The following SGCD variants were observed in gnomAD, a reference collection of about 807,000 sequenced individuals.
SGCD encodes sarcoglycan delta.
In SGCD, 18 loss-of-function variants were observed where a neutral mutation model predicts 36.6. The observed-to-expected ratio is 0.49, with a 90% CI of 0.34 to 0.73. The LOEUF is 0.73. Among genes scored for constraint, SGCD ranks in the 30% least tolerant of loss-of-function variants. The pLI, the probability that SGCD is intolerant of heterozygous loss-of-function variation, is 0.01. For missense variants in SGCD, 387 were observed against 346.7 expected, an observed-to-expected ratio of 1.12 and a Z score of -0.92; for synonymous variants, 133 against 130.6, an observed-to-expected ratio of 1.02 and a Z score of -0.12.
rs778760498 is a variant in SGCD at position 156,344,582 on chromosome 5, C to T, written c.97C>T (p.Arg33Ter). 8 of 1,612,078 alleles carry T rather than the reference C, an allele frequency of 5.0e-6. No homozygotes were observed. Among genetic ancestry groups the T allele is most frequent in the Non-Finnish European group, 6.8e-6 (8 of 1,178,970 alleles). The change falls in exon 3 of 9, where the codon CGA (arginine) becomes TGA (stop). Residue 33 changes from arginine to a stop codon, truncating the protein, a stop_gained. Coordinates refer to ENST00000337851, the MANE Select transcript of SGCD (RefSeq NM_000337.6). LOFTEE classifies it high-confidence loss of function. ...YKVGIYGWRK[R>*]CLYFFVLLLM... ...GGTGGGGATTTATGGCTGGCGGAAACGATGCCTGTATTTCTTTGTCCTGCT... is the reference window on the plus strand; with the variant it reads ...GGTGGGGATTTATGGCTGGCGGAAATGATGCCTGTATTTCTTTGTCCTGCT...
intron 3 of SGCD, among the ~76,000 whole-genome samples, chr5:156,425,284 G>C (rs1773624386): frequency 6.6e-6 from 1 of 152,012 alleles, no homozygotes; most frequent in African/African-American, 2.4e-5. Flanking sequence ...AGAGGAGTCA[G>C]GATGTACCCC....
chr5:156,677,254 T>A (rs1402053792), intron 7 of SGCD, among the ~76,000 whole-genome samples: 2 of 152,094 alleles, frequency 1.3e-5, no homozygotes, highest in East Asian at 3.9e-4. Flanking sequence ...AGCAAAGACT[T>A]AGAACCAACC....
chr5:156,687,788 A>G (rs571059747), intron 7 of SGCD, among the ~76,000 whole-genome samples: 30 of 152,348 alleles, frequency 2.0e-4, no homozygotes, highest in African/African-American at 7.2e-4. Context: ...CCAGGGAACA[A>G]CAGCCTTGCT....
At chr5:156,446,489 G>T (rs1224006736) in intron 3 of SGCD, among the ~76,000 whole-genome samples, 1 of 152,044 alleles carries the variant, frequency 6.6e-6, no homozygotes, top group Admixed American at 6.6e-5. Flanking sequence ...CCAGCTTCAG[G>T]GTTCTAGAGA....
At chr5:156,191,140 A>C (rs75064101) in intron 3 of SGCD, among the ~76,000 whole-genome samples, 4 of 152,084 alleles carry the variant, frequency 2.6e-5, no homozygotes, top group African/African-American at 9.7e-5. Context: ...TACAGAGTAC[A>C]TGATATCCAG....
chr5:155,734,292 A>C, the SGCD span, among the ~76,000 whole-genome samples: 1 of 151,474 alleles, frequency 6.6e-6, no homozygotes, highest in African/African-American at 2.4e-5. Flanking sequence ...TGCAACATCC[A>C]CCTCCTGGGT....
intron 3 of SGCD, among the ~76,000 whole-genome samples, chr5:156,404,540 T>C (rs1772314470): frequency 6.6e-6 from 1 of 152,212 alleles, no homozygotes; most frequent in African/African-American, 2.4e-5. Context: ...GAATATTTTG[T>C]CTTATTTCTT....
intron 6 of SGCD, among the ~76,000 whole-genome samples, chr5:156,624,367 G>A (rs748636121): frequency 3.9e-5 from 6 of 152,160 alleles, no homozygotes; most frequent in Non-Finnish European, 7.3e-5. Context: ...GGATCACGAG[G>A]TCAGGAGATT....
chr5:156,114,309 A>G (rs944299930), intron 1 of SGCD, among the ~76,000 whole-genome samples: 2 of 152,014 alleles, frequency 1.3e-5, no homozygotes, highest in African/African-American at 2.4e-5. Context: ...CGAACCTAAA[A>G]CTGCTATAAT....
At chr5:156,434,555 C>T (rs1001768412) in intron 3 of SGCD, among the ~76,000 whole-genome samples, 2 of 152,142 alleles carry the variant, frequency 1.3e-5, no homozygotes, top group African/African-American at 2.4e-5. Flanking sequence ...ACCCGGCCAG[C>T]GATGCTGATA....
intron 3 of SGCD, among the ~76,000 whole-genome samples, chr5:156,203,958 A>G (rs1029865620): frequency 2.6e-5 from 4 of 152,154 alleles, no homozygotes; most frequent in Non-Finnish European, 5.9e-5. Context: ...TATTTATTGC[A>G]TATGTATCAT....
At chr5:156,607,063 C>A (rs1363528309) in intron 6 of SGCD, among the ~76,000 whole-genome samples, 1 of 152,174 alleles carries the variant, frequency 6.6e-6, no homozygotes, top group Non-Finnish European at 1.5e-5. Flanking sequence ...ATTGCCCTGG[C>A]CAGAACTTCC....
chr5:156,015,600 T>C (rs1397425847), intron 1 of SGCD, among the ~76,000 whole-genome samples: 6 of 151,772 alleles, frequency 4.0e-5, no homozygotes, highest in Non-Finnish European at 5.9e-5. Flanking sequence ...TACATATATA[T>C]GTATGCATGT....
At chr5:156,337,737 G>A (rs1397111001) in intron 2 of SGCD, among the ~76,000 whole-genome samples, 6 of 152,100 alleles carry the variant, frequency 3.9e-5, no homozygotes, top group Non-Finnish European at 4.4e-5. Flanking sequence ...ATTAAAATAT[G>A]AGCTTGATGA....
At chr5:156,232,154 A>C (rs1477581475) in intron 3 of SGCD, among the ~76,000 whole-genome samples, 2 of 152,246 alleles carry the variant, frequency 1.3e-5, no homozygotes, top group Non-Finnish European at 2.9e-5. Context: ...GGATATACCC[A>C]GACATTTTCT....
chr5:156,643,751 A>C (rs1763127791), intron 6 of SGCD, among the ~76,000 whole-genome samples: 1 of 152,070 alleles, frequency 6.6e-6, no homozygotes, highest in Admixed American at 6.5e-5. Flanking sequence ...TCCTTTCTCC[A>C]TTTTATAATC....
chr5:156,647,681 T>C, intron 7 of SGCD, 145 bp downstream of exon 7: 1 of 638,272 alleles, frequency 1.6e-6, no homozygotes, highest in Non-Finnish European at 2.8e-6. Context: ...GAAGATAAGC[T>C]ACAACCAAAA....
intron 1 of SGCD, among the ~76,000 whole-genome samples, chr5:156,035,376 C>G (rs1013639302): frequency 2.0e-5 from 3 of 152,002 alleles, no homozygotes; most frequent in African/African-American, 7.2e-5. Context: ...GAGGCTGTGG[C>G]GGGAGGATCA....
chr5:156,468,928 G>A (rs575719287), intron 3 of SGCD, among the ~76,000 whole-genome samples: 9 of 152,314 alleles, frequency 5.9e-5, no homozygotes, highest in African/African-American at 1.9e-4. Context: ...GGAGGCAGAG[G>A]TTGCAGTAAG....
Sources: gnomAD v4.1 joint callset for allele counts (sites outside exome capture counted in the v4.1 genomes callset) on GRCh38, gnomAD v4.1.1 for gene constraint, MANE v1.5 for transcripts, NCBI Gene and HGNC (gene_info 2026-07-23, HGNC 2026-07-21) for gene names.